The following IL23R variants were observed in gnomAD, a reference collection of about 807,000 sequenced individuals.
The protein encoded by IL23R is interleukin-23 receptor.
In IL23R, 34 loss-of-function variants were observed where a neutral mutation model predicts 56.9. The observed-to-expected ratio is 0.60, with a 90% CI of 0.45 to 0.80. IL23R has a LOEUF of 0.80. IL23R is among the 30% of genes least tolerant of loss of function. The pLI, the probability that IL23R is intolerant of heterozygous loss-of-function variation, is 0.00. For synonymous variants in IL23R, 230 were observed against 249.2 expected (o/e 0.92, Z 0.73); for missense variants, 635 against 730.0 (o/e 0.87, Z 1.50).
At chr1:67,171,596 T>C (rs540117048) in intron 3 of IL23R, among the ~76,000 whole-genome samples, 2 of 152,340 alleles carry the variant, frequency 1.3e-5, no homozygotes, top group South Asian at 2.1e-4. Context: ...GATTTCCTTA[T>C]CATCCCTGCT....
intron 7 of IL23R, among the ~76,000 whole-genome samples, chr1:67,221,178 G>C (rs1430141899): frequency 6.6e-6 from 1 of 152,058 alleles, no homozygotes; most frequent in Non-Finnish European, 1.5e-5. Flanking sequence ...AAAATTAGCT[G>C]GGCATGGCGG....
At chr1:67,220,886 G>A (rs751862562) in intron 7 of IL23R, among the ~76,000 whole-genome samples, 13 of 152,136 alleles carry the variant, frequency 8.5e-5, no homozygotes, top group South Asian at 2.1e-4. Context: ...CTACAGATGC[G>A]GTCCACCATG....
intron 6 of IL23R, among the ~76,000 whole-genome samples, chr1:67,208,205 G>C (rs553192468): frequency 6.6e-6 from 1 of 152,274 alleles, no homozygotes; most frequent in African/African-American, 2.4e-5. Context: ...AGTTTTAAAA[G>C]GGAAACAGAA....
At chr1:67,253,008 CTT>C (rs1217336282) in intron 9 of IL23R, among the ~76,000 whole-genome samples, 1 of 152,174 alleles carries the variant, frequency 6.6e-6, no homozygotes, top group Non-Finnish European at 1.5e-5. Context: ...GGTTTTCACT[CTT>C]GTCTGCCTGT....
intron 1 of IL23R, among the ~76,000 whole-genome samples, chr1:67,149,586 C>T (rs1166874224): frequency 6.6e-6 from 1 of 152,088 alleles, no homozygotes; most frequent in East Asian, 1.9e-4. Context: ...TCAATAAATA[C>T]TTGTGGAATT....
intron 10 of IL23R, among the ~76,000 whole-genome samples, chr1:67,256,500 A>C (rs1652958077): frequency 6.6e-6 from 1 of 152,176 alleles, no homozygotes; most frequent in African/African-American, 2.4e-5. Flanking sequence ...ATTATAAAGG[A>C]GGGAAGGAAC....
chr1:67,198,853 G>A (rs1648383883), intron 4 of IL23R, among the ~76,000 whole-genome samples: 1 of 152,180 alleles, frequency 6.6e-6, no homozygotes, highest in Admixed American at 6.5e-5. Context: ...GCTGGGGTGG[G>A]AGGATCACTC....
chr1:67,153,148 G>T (rs1163436179), intron 1 of IL23R, among the ~76,000 whole-genome samples: 1 of 152,122 alleles, frequency 6.6e-6, no homozygotes, highest in African/African-American at 2.4e-5. Flanking sequence ...TCTATCCAGG[G>T]ATTTGACTTC....
chr1:67,211,841 CTT>C, intron 6 of IL23R, among the ~76,000 whole-genome samples: 1 of 152,270 alleles, frequency 6.6e-6, no homozygotes, highest in African/African-American at 2.4e-5. Context: ...TTTGAGCTCA[CTT>C]TTCAAAACCT....
chr1:67,245,725 G>C (rs1397897464), intron 9 of IL23R, among the ~76,000 whole-genome samples: 2 of 152,122 alleles, frequency 1.3e-5, no homozygotes, highest in Non-Finnish European at 2.9e-5. Flanking sequence ...ATTTTATTGA[G>C]GATTTTCACA....
chr1:67,207,198 G>A, intron 6 of IL23R, 143 bp downstream of exon 6: 1 of 969,968 alleles, frequency 1.0e-6, no homozygotes, highest in Non-Finnish European at 1.6e-6. Flanking sequence ...TTTAGTTTTT[G>A]TTTTATAATT....
At chr1:67,256,766 A>G (rs1206827966) in intron 10 of IL23R, among the ~76,000 whole-genome samples, 1 of 152,216 alleles carries the variant, frequency 6.6e-6, no homozygotes, top group East Asian at 1.9e-4. Flanking sequence ...TAAGAAGATG[A>G]GGTGTTTGTA....
At chr1:67,156,563 C>T (rs191532414) in intron 1 of IL23R, among the ~76,000 whole-genome samples, 1 of 152,280 alleles carries the variant, frequency 6.6e-6, no homozygotes, top group East Asian at 1.9e-4. Context: ...TTTGCTGCAC[C>T]TTGGTGAATT....
chr1:67,202,298 T>G (rs909764975), intron 5 of IL23R, among the ~76,000 whole-genome samples: 5 of 152,236 alleles, frequency 3.3e-5, no homozygotes, highest in African/African-American at 4.8e-5. Context: ...GCCTCCTGGC[T>G]TCAAGCAATT....
intron 8 of IL23R, among the ~76,000 whole-genome samples, chr1:67,237,286 C>T (rs1015264067): frequency 3.3e-5 from 5 of 152,148 alleles, no homozygotes; most frequent in African/African-American, 1.2e-4. Flanking sequence ...GGTGATCCAC[C>T]CACCTCAGCC....
intron 1 of IL23R, among the ~76,000 whole-genome samples, chr1:67,149,324 T>G (rs1288278626): frequency 6.6e-6 from 1 of 152,128 alleles, no homozygotes; most frequent in Non-Finnish European, 1.5e-5. Flanking sequence ...GAAAGCAGAT[T>G]TGCAGTGAGA....
chr1:67,262,682 ATTCATCT>A (rs1240474829), downstream of IL23R, among the ~76,000 whole-genome samples: 1 of 152,110 alleles, frequency 6.6e-6, no homozygotes, highest in East Asian at 1.9e-4. Flanking sequence ...GTGCATACCT[ATTCATCT>A]TTCTATCTAG....
chr1:67,200,948 A>G, intron 5 of IL23R, 51 bp downstream of exon 5: 1 of 1,578,556 alleles, frequency 6.3e-7, no homozygotes, highest in East Asian at 2.2e-5. Flanking sequence ...GTTTGTGCTG[A>G]CCTTGTCAAA....
At chr1:67,143,195 A>C (rs1646653694) in intron 1 of IL23R, among the ~76,000 whole-genome samples, 1 of 152,214 alleles carries the variant, frequency 6.6e-6, no homozygotes, top group African/African-American at 2.4e-5. Context: ...AGTGGCTAAG[A>C]AAAAAATCTT....
Sources: allele counts gnomAD v4.1 joint callset (sites outside exome capture counted in the v4.1 genomes callset), GRCh38; gene constraint gnomAD v4.1.1; transcripts MANE v1.5; gene names NCBI Gene and HGNC (gene_info 2026-07-23, HGNC 2026-07-21).